Variants in ST3GAL6 observed in about 807,000 individuals in gnomAD.
ST3GAL6 encodes type 2 lactosamine alpha-2,3-sialyltransferase.
ST3GAL6 carries 31 observed loss-of-function variants against 40.5 expected under a neutral mutation model. The ratio of observed to expected loss-of-function variants is 0.77; its 90% confidence interval spans 0.58 to 1.03. The LOEUF is 1.03. ST3GAL6 is among the 50% of genes least tolerant of loss of function. The probability of loss-of-function intolerance (pLI) is 0.00; values close to 1 mark genes in which losing one functional copy is unlikely to be tolerated. For synonymous variants in ST3GAL6, 129 were observed against 136.9 expected (o/e 0.94, Z 0.40); for missense variants, 357 against 393.2 (o/e 0.91, Z 0.78).
intron 1 of ST3GAL6, chr3:98,733,338 C>G (rs1576008381): frequency 4.4e-6 from 5 of 1,132,710 alleles, no homozygotes; most frequent in African/African-American, 1.6e-5. Context: ...CCGTGGGGGC[C>G]GAGAGAATCT....
chr3:98,742,888 C>T (rs1006473042), intron 1 of ST3GAL6, among the ~76,000 whole-genome samples: 3 of 150,914 alleles, frequency 2.0e-5, no homozygotes, highest in Admixed American at 1.3e-4. Flanking sequence ...TTAGTAGAGA[C>T]GGGGTTTGTC....
At chr3:98,747,810 T>A (rs1313457252) in intron 1 of ST3GAL6, among the ~76,000 whole-genome samples, 1 of 152,224 alleles carries the variant, frequency 6.6e-6, no homozygotes, top group Non-Finnish European at 1.5e-5. Flanking sequence ...TGTTTATGAA[T>A]ATGTATGTGT....
At chr3:98,769,029 C>T (rs1431105915) in intron 2 of ST3GAL6, among the ~76,000 whole-genome samples, 2 of 152,124 alleles carry the variant, frequency 1.3e-5, no homozygotes, top group Non-Finnish European at 2.9e-5. Context: ...AAGAGAAAGC[C>T]TCTGTAATAG....
chr3:98,738,804 G>T (rs1302542458), intron 1 of ST3GAL6, among the ~76,000 whole-genome samples: 2 of 152,086 alleles, frequency 1.3e-5, no homozygotes, highest in Non-Finnish European at 2.9e-5. Context: ...GATAATCAAG[G>T]CCAAAAACTA....
chr3:98,781,991 C>T (rs1237342894), intron 5 of ST3GAL6, among the ~76,000 whole-genome samples: 2 of 152,104 alleles, frequency 1.3e-5, no homozygotes, highest in Non-Finnish European at 2.9e-5. Context: ...GTGTGAGAAT[C>T]GCCCCCTCCT....
chr3:98,784,720 G>A (rs1940517789), intron 5 of ST3GAL6, among the ~76,000 whole-genome samples: 1 of 152,200 alleles, frequency 6.6e-6, no homozygotes. Flanking sequence ...GAACATGTAT[G>A]GGCTGATAAT....
At chr3:98,750,534 A>G (rs1305759068) in intron 1 of ST3GAL6, among the ~76,000 whole-genome samples, 1 of 151,658 alleles carries the variant, frequency 6.6e-6, no homozygotes, top group Non-Finnish European at 1.5e-5. Context: ...CACTCAAAGC[A>G]GGGGCTTCAG....
upstream of ST3GAL6, among the ~76,000 whole-genome samples, chr3:98,760,408 G>A (rs1246303851): frequency 6.6e-6 from 1 of 152,176 alleles, no homozygotes; most frequent in Non-Finnish European, 1.5e-5. Flanking sequence ...AAAATAGTTT[G>A]CTTTAATTCT....
chr3:98,785,877 G>T (rs1237650039), intron 6 of ST3GAL6, among the ~76,000 whole-genome samples: 1 of 152,098 alleles, frequency 6.6e-6, no homozygotes, highest in Non-Finnish European at 1.5e-5. Context: ...AGGAGAGGAA[G>T]AGATATGTGG....
upstream of ST3GAL6, among the ~76,000 whole-genome samples, chr3:98,761,866 C>T (rs72932659): frequency 8.9e-4 from 135 of 152,314 alleles, no homozygotes; most frequent in African/African-American, 3.2e-3. Flanking sequence ...TCCAGTTCTT[C>T]TATTTTTAGC....
chr3:98,740,165 A>G (rs1935940473), intron 1 of ST3GAL6, among the ~76,000 whole-genome samples: 1 of 151,774 alleles, frequency 6.6e-6, no homozygotes, highest in Non-Finnish European at 1.5e-5. Context: ...AAGTAACTAT[A>G]AATATTTTGC....
At chr3:98,774,125 T>TAATTTAA in intron 5 of ST3GAL6, 142 bp downstream of exon 5, 1 of 632,282 alleles carries the variant, frequency 1.6e-6, no homozygotes, top group Non-Finnish European at 2.8e-6. Flanking sequence ...AGTAGTAATT[T>TAATTTAA]GACACTTAAA....
intron 1 of ST3GAL6, among the ~76,000 whole-genome samples, chr3:98,737,395 A>G (rs1360948710): frequency 1.3e-5 from 2 of 152,040 alleles, no homozygotes; most frequent in African/African-American, 4.8e-5. Context: ...ACACACATAA[A>G]CACACAAATT....
At chr3:98,757,864 C>A (rs1333338229) in intron 1 of ST3GAL6, among the ~76,000 whole-genome samples, 2 of 149,492 alleles carry the variant, frequency 1.3e-5, no homozygotes, top group Admixed American at 1.3e-4. Context: ...GAGACGGAGT[C>A]TTGCTCTGTT....
At chr3:98,763,727 A>C (rs1938031820) in intron 1 of ST3GAL6, among the ~76,000 whole-genome samples, 1 of 147,492 alleles carries the variant, frequency 6.8e-6, no homozygotes, top group African/African-American at 2.6e-5. Context: ...TTAGGATCCT[A>C]GTGACTAAAA....
intron 1 of ST3GAL6, among the ~76,000 whole-genome samples, chr3:98,736,584 A>G (rs983803104): frequency 6.6e-6 from 1 of 152,104 alleles, no homozygotes; most frequent in African/African-American, 2.4e-5. Flanking sequence ...AAGGGAGCAG[A>G]AAGTGTTTTT....
chr3:98,733,614 G>T, intron 1 of ST3GAL6: 3 of 985,226 alleles, frequency 3.0e-6, no homozygotes, highest in Non-Finnish European at 3.6e-6. Context: ...CAGTGTTTGG[G>T]CTGCTGTTAA....
intron 1 of ST3GAL6, chr3:98,756,381 A>C: frequency 1.6e-6 from 2 of 1,289,826 alleles, no homozygotes; most frequent in Non-Finnish European, 1.0e-6. Flanking sequence ...TTTGCAAGTG[A>C]GGAAGCAGCA....
rs1362513370 is a variant in ST3GAL6, at chr3:98,775,249, C to T, written c.335+1266C>T. Among the ~76,000 whole-genome samples the T allele has an allele frequency of 8.5e-5, 13 of 152,146 alleles. No individual in the cohort carries two copies. In the East Asian group the frequency reaches 1.4e-3, roughly 16 times the overall value. On this transcript the variant is annotated intron_variant, in intron 5 of 9. Transcript: ENST00000483910. ...CCCCCAGCACTTTGGGAAGCTGAGGCGGGCAGATCGTGAGGTCGGAGTTCG... is the reference window on the plus strand; with the variant it reads ...CCCCCAGCACTTTGGGAAGCTGAGGTGGGCAGATCGTGAGGTCGGAGTTCG...
Sources: allele counts gnomAD v4.1 joint callset (sites outside exome capture counted in the v4.1 genomes callset), GRCh38; gene constraint gnomAD v4.1.1; transcripts MANE v1.5; gene names NCBI Gene and HGNC (gene_info 2026-07-23, HGNC 2026-07-21).